VAC14: variants seen among roughly 807,000 people sequenced by gnomAD.
The protein encoded by VAC14 is protein VAC14 homolog.
In VAC14, 47 loss-of-function variants were observed where a neutral mutation model predicts 85.3. That is an observed-to-expected ratio of 0.55 (90% CI 0.44 to 0.70). The LOEUF (loss-of-function observed/expected upper bound fraction) is 0.70, where lower values mean the gene tolerates loss of function less well. Among genes scored for constraint, VAC14 ranks in the 30% least tolerant of loss-of-function variants. The probability of loss-of-function intolerance (pLI) is 0.00; values close to 1 mark genes in which losing one functional copy is unlikely to be tolerated. For synonymous variants in VAC14, 447 were observed against 430.5 expected, an observed-to-expected ratio of 1.04 and a Z score of -0.47; for missense variants, 861 against 1,004.3, an observed-to-expected ratio of 0.86 and a Z score of 1.93.
chr16:70,788,887 T>C (rs1031633191), intron 1 of VAC14, among the ~76,000 whole-genome samples: 1 of 152,232 alleles, frequency 6.6e-6, no homozygotes, highest in African/African-American at 2.4e-5. Flanking sequence ...CCCACAAATC[T>C]GGAACCACAC....
chr16:70,768,312 AGGCATGCTGGAGTTAG>A (rs1344357361), intron 10 of VAC14: 1 of 157,388 alleles, frequency 6.4e-6, no homozygotes, highest in Non-Finnish European at 1.4e-5. Context: ...GGCCACAGCC[AGGCATGCTGGAGTTAG>A]GGCATGAATC....
At chr16:70,735,473 G>C (rs1050030512) in intron 13 of VAC14, among the ~76,000 whole-genome samples, 1 of 152,206 alleles carries the variant, frequency 6.6e-6, no homozygotes, top group South Asian at 2.1e-4. Context: ...TGATGCCAGC[G>C]GGCAGGAAGC....
chr16:70,758,040 A>C (rs2032010849), intron 12 of VAC14, among the ~76,000 whole-genome samples: 1 of 152,236 alleles, frequency 6.6e-6, no homozygotes, highest in Non-Finnish European at 1.5e-5. Flanking sequence ...GAGGGAAGTC[A>C]TTCAGAATCA....
chr16:70,726,438 C>A (rs1281519426), intron 14 of VAC14, among the ~76,000 whole-genome samples: 1 of 152,254 alleles, frequency 6.6e-6, no homozygotes, highest in Non-Finnish European at 1.5e-5. Context: ...GAAGCACAAG[C>A]CCTGTGGGGA....
chr16:70,771,967 A>G, intron 10 of VAC14, 142 bp downstream of exon 10: 1 of 709,170 alleles, frequency 1.4e-6, no homozygotes, highest in Non-Finnish European at 2.4e-6. Context: ...TTCATCAATT[A>G]ACTCTTTTGT....
intron 18 of VAC14, chr16:70,691,331 C>T (rs1235794926): frequency 3.8e-5 from 37 of 985,470 alleles, no homozygotes; most frequent in South Asian, 4.7e-5. Flanking sequence ...AGGGAAGCAG[C>T]CCTTCCTGCC....
chr16:70,702,026 A>G (rs144570640), intron 14 of VAC14, among the ~76,000 whole-genome samples: 1 of 152,236 alleles, frequency 6.6e-6, no homozygotes, highest in Non-Finnish European at 1.5e-5. Flanking sequence ...AGCCCCTTCT[A>G]AGAGAAAGTT....
intron 13 of VAC14, among the ~76,000 whole-genome samples, chr16:70,742,572 C>T (rs574649455): frequency 2.3e-4 from 35 of 152,362 alleles, no homozygotes; most frequent in Admixed American, 9.1e-4. Flanking sequence ...TCCCCGACCA[C>T]GGCCACTGAC....
intron 14 of VAC14, among the ~76,000 whole-genome samples, chr16:70,704,734 C>A (rs2142993611): frequency 6.6e-6 from 1 of 152,338 alleles, no homozygotes; most frequent in Middle Eastern, 3.4e-3. Context: ...ACAGCCGGAG[C>A]CCGCTCGGGA....
intron 14 of VAC14, among the ~76,000 whole-genome samples, chr16:70,723,497 C>T (rs574757714): frequency 3.9e-5 from 6 of 152,174 alleles, no homozygotes; most frequent in Non-Finnish European, 7.3e-5. Flanking sequence ...CATTATGGTA[C>T]ACATTAGCTA....
intron 1 of VAC14, among the ~76,000 whole-genome samples, chr16:70,797,518 C>T (rs74459493): frequency 0.082 from 12,486 of 152,238 alleles, 535 homozygotes; most frequent in Middle Eastern, 0.14. Context: ...ATGTGATATA[C>T]GTATGTTAGA....
intron 1 of VAC14, among the ~76,000 whole-genome samples, chr16:70,791,640 C>A (rs1451605162): frequency 6.6e-6 from 1 of 152,188 alleles, no homozygotes; most frequent in African/African-American, 2.4e-5. Flanking sequence ...CCCACCTTGG[C>A]CTCGTAAGTG....
intron 14 of VAC14, 73 bp from the exon 15 acceptor site, chr16:70,698,884 C>T: frequency 6.4e-7 from 1 of 1,551,244 alleles, no homozygotes; most frequent in East Asian, 2.3e-5. Context: ...TGGGAGGCCT[C>T]CTCTTGGTTT....
At chr16:70,777,767 G>A (rs916271802) in intron 9 of VAC14, among the ~76,000 whole-genome samples, 2 of 152,330 alleles carry the variant, frequency 1.3e-5, no homozygotes, top group East Asian at 1.9e-4. Flanking sequence ...CATGAGGAAC[G>A]TGGTGCTGTC....
At chr16:70,774,405 G>A (rs555932800) in intron 9 of VAC14, among the ~76,000 whole-genome samples, 6 of 152,278 alleles carry the variant, frequency 3.9e-5, no homozygotes, top group African/African-American at 1.4e-4. Flanking sequence ...GCACCCTATC[G>A]GGGGAACGTG....
At chr16:70,761,023 G>GC (rs1567577760) in intron 12 of VAC14, 1 of 250,408 alleles carries the variant, frequency 4.0e-6, no homozygotes, top group African/African-American at 6.2e-5. Context: ...GTGTGTGCAT[G>GC]GGGGGGCGGG....
chr16:70,751,088 G>A (rs1033065233), intron 12 of VAC14, among the ~76,000 whole-genome samples: 6 of 152,204 alleles, frequency 3.9e-5, no homozygotes, highest in Non-Finnish European at 8.8e-5. Context: ...TGCCAAGGAG[G>A]ATGGACGGAG....
chr16:70,747,161 A>G (rs2030965643), intron 12 of VAC14: 1 of 152,192 alleles, frequency 6.6e-6, no homozygotes, highest in South Asian at 2.1e-4. Flanking sequence ...ATAAAAAGAA[A>G]TGAAGTACCT....
intron 18 of VAC14, chr16:70,690,390 G>A (rs926412586): frequency 1.0e-5 from 10 of 985,520 alleles, no homozygotes; most frequent in African/African-American, 1.7e-5. Flanking sequence ...CTCGGGCACC[G>A]AGGCTGAGGC....
Sources: allele counts gnomAD v4.1 joint callset (sites outside exome capture counted in the v4.1 genomes callset), GRCh38; gene constraint gnomAD v4.1.1; transcripts MANE v1.5; gene names NCBI Gene and HGNC (gene_info 2026-07-23, HGNC 2026-07-21).